The following CAST variants were observed in gnomAD, a reference collection of about 807,000 sequenced individuals.
The protein encoded by CAST is MIR583 host.
In CAST, 76 loss-of-function variants were observed where a neutral mutation model predicts 119.6. The ratio of observed to expected loss-of-function variants is 0.64; its 90% CI spans 0.53 to 0.77. CAST has a LOEUF of 0.77. Ranked by LOEUF, CAST falls within the 30% of genes least tolerant of loss-of-function variation. The pLI, the probability that CAST is intolerant of heterozygous loss-of-function variation, is 0.00. For synonymous variants in CAST, 319 were observed against 331.6 expected, an observed-to-expected ratio of 0.96 and a Z score of 0.41; for missense variants, 953 against 946.5, an observed-to-expected ratio of 1.01 and a Z score of -0.09.
chr5:96,266,335 G>C, the CAST span, among the ~76,000 whole-genome samples: 5 of 152,252 alleles, frequency 3.3e-5, no homozygotes, highest in East Asian at 9.6e-4. Flanking sequence ...ATCACCTTGG[G>C]TTCCATGCCA....
At chr5:96,494,653 C>T in the CAST span, among the ~76,000 whole-genome samples, 1 of 152,180 alleles carries the variant, frequency 6.6e-6, no homozygotes, top group African/African-American at 2.4e-5. Context: ...AATAGAAGAG[C>T]GATTCTTCAG....
chr5:96,435,776 A>G, the CAST span, among the ~76,000 whole-genome samples: 3 of 152,246 alleles, frequency 2.0e-5, no homozygotes, highest in African/African-American at 7.2e-5. Flanking sequence ...ACAGCTAAGC[A>G]TTCATTAAGG....
intron 1 of CAST, among the ~76,000 whole-genome samples, chr5:96,609,982 T>C (rs1041981486): frequency 6.6e-6 from 1 of 152,156 alleles, no homozygotes; most frequent in African/African-American, 2.4e-5. Context: ...ATGGTTTGGC[T>C]GTGTCCCCAC....
chr5:96,113,619 C>T, the CAST span, among the ~76,000 whole-genome samples: 2 of 152,238 alleles, frequency 1.3e-5, no homozygotes, highest in Non-Finnish European at 2.9e-5. Context: ...GCAAAAGACG[C>T]CTTTCAGCTG....
chr5:96,771,894 A>G (rs1772508855), intron 31 of CAST, 192 bp downstream of exon 31: 1 of 419,422 alleles, frequency 2.4e-6, no homozygotes, highest in Admixed American at 4.2e-5. Context: ...TGAGTTTGCT[A>G]TTGAAATGTT....
At chr5:96,198,661 G>A in the CAST span, among the ~76,000 whole-genome samples, 1 of 152,082 alleles carries the variant, frequency 6.6e-6, no homozygotes, top group Non-Finnish European at 1.5e-5. Flanking sequence ...TGAAATTATA[G>A]TCTTGAACTT....
the CAST span, among the ~76,000 whole-genome samples, chr5:96,118,834 A>G: frequency 3.4e-5 from 5 of 145,290 alleles, no homozygotes; most frequent in Non-Finnish European, 7.5e-5. Context: ...TTTTTTTCTT[A>G]GCGTCAGTTA....
chr5:96,673,084 A>T (rs1226910091), intron 1 of CAST, among the ~76,000 whole-genome samples: 1 of 152,208 alleles, frequency 6.6e-6, no homozygotes, highest in Non-Finnish European at 1.5e-5. Context: ...AAATGGAATA[A>T]TTACACCTCC....
At chr5:96,244,629 A>G in the CAST span, among the ~76,000 whole-genome samples, 8 of 152,220 alleles carry the variant, frequency 5.3e-5, no homozygotes, top group Non-Finnish European at 1.0e-4. Context: ...TATACACGGG[A>G]AAGCTGAATG....
At chr5:96,599,215 C>G (rs1487197612) in intron 1 of CAST, among the ~76,000 whole-genome samples, 1 of 152,118 alleles carries the variant, frequency 6.6e-6, no homozygotes, top group East Asian at 1.9e-4. Flanking sequence ...GTAAAAAACA[C>G]AATTTGACTA....
chr5:96,334,782 T>A, the CAST span, among the ~76,000 whole-genome samples: 2 of 152,200 alleles, frequency 1.3e-5, no homozygotes, highest in African/African-American at 2.4e-5. Flanking sequence ...TCCTTACCCT[T>A]GGAGGCAAGA....
chr5:96,155,553 T>G, the CAST span, among the ~76,000 whole-genome samples: 2 of 152,200 alleles, frequency 1.3e-5, no homozygotes, highest in Admixed American at 1.3e-4. Flanking sequence ...TAGTTAGGAC[T>G]GGGGGATATG....
the CAST span, among the ~76,000 whole-genome samples, chr5:96,365,100 G>T: frequency 7.0e-4 from 106 of 152,320 alleles, no homozygotes; most frequent in African/African-American, 2.1e-3. Flanking sequence ...TCATTCAGGA[G>T]CAGGTTGTTC....
chr5:96,081,582 T>C, the CAST span, among the ~76,000 whole-genome samples: 1 of 152,122 alleles, frequency 6.6e-6, no homozygotes, highest in Non-Finnish European at 1.5e-5. Context: ...TCAGGGAACA[T>C]GAACAGAATC....
the CAST span, among the ~76,000 whole-genome samples, chr5:96,491,512 A>C: frequency 6.9e-6 from 1 of 145,710 alleles, no homozygotes; most frequent in Non-Finnish European, 1.5e-5. Flanking sequence ...AAAAAAAAAA[A>C]AAAAAAAAAA....
chr5:96,179,597 A>G, the CAST span, among the ~76,000 whole-genome samples: 4 of 152,236 alleles, frequency 2.6e-5, no homozygotes, highest in African/African-American at 9.6e-5. Flanking sequence ...TAATCAGACA[A>G]AGTGACACAG....
At chr5:96,177,856 C>G in the CAST span, among the ~76,000 whole-genome samples, 2 of 152,204 alleles carry the variant, frequency 1.3e-5, no homozygotes, top group South Asian at 4.1e-4. Flanking sequence ...CGTTTTGCAG[C>G]TAGTGATTCC....
At chr5:96,390,446 G>A in the CAST span, 1 of 152,178 alleles carries the variant, frequency 6.6e-6, no homozygotes, top group Non-Finnish European at 1.5e-5. Context: ...GTATAATGTG[G>A]AAGTTCCCTT....
chr5:96,301,152 CACATCCT>C, the CAST span, among the ~76,000 whole-genome samples: 1 of 152,074 alleles, frequency 6.6e-6, no homozygotes, highest in Non-Finnish European at 1.5e-5. Context: ...GGGAAGCTGA[CACATCCT>C]ACATGTCTGG....
Sources: gnomAD v4.1 joint callset for allele counts (sites outside exome capture counted in the v4.1 genomes callset) on GRCh38, gnomAD v4.1.1 for gene constraint, MANE v1.5 for transcripts, NCBI Gene and HGNC (gene_info 2026-07-23, HGNC 2026-07-21) for gene names.